The following PNKD variants were observed in gnomAD, a reference collection of about 807,000 sequenced individuals.
PNKD encodes the protein PNKD metallo-beta-lactamase domain containing.
A neutral mutation model predicts 45.3 loss-of-function variants in PNKD; 36 were observed. The observed-to-expected ratio is 0.80, with a 90% confidence interval of 0.61 to 1.05. The LOEUF (loss-of-function observed/expected upper bound fraction) is 1.05, where lower values mean the gene tolerates loss of function less well. PNKD is among the 50% of genes least tolerant of loss of function. The pLI is 0.00. For synonymous variants in PNKD, 197 were observed against 210.1 expected, an observed-to-expected ratio of 0.94 and a Z score of 0.54; for missense variants, 511 against 506.6, an observed-to-expected ratio of 1.01 and a Z score of -0.08.
In PNKD at chr2:218,340,085, G is replaced by A. The variant is rs139792709; in HGVS notation, c.409G>A (p.Asp137Asn). 78 of 1,613,756 alleles carry A rather than the reference G, an allele frequency of 4.8e-5. No homozygotes were observed. The highest frequency in any genetic ancestry group is 5.9e-5 in the Non-Finnish European group (70 of 1,179,902). ...GGACAACTACAGCTACCTCATCATC[G>A]ACACCCAGGCCCAGCTGGCTGTGGC... ...LSDNYSYLII[D>N]TQAQLAVAVD... Residue 137 changes from aspartate to asparagine, a missense_variant, in exon 4 of 10, where the codon GAC becomes AAC. Asp to Asn is a conservative substitution (Grantham distance 23). Coordinates refer to ENST00000273077, the MANE Select transcript of PNKD (RefSeq NM_015488.5). This position sits in a 1 kb window ranked among gnomAD's most constrained non-coding sequence, Gnocchi z 4.2.
intron 2 of PNKD, among the ~76,000 whole-genome samples, chr2:218,307,915 G>A (rs528072736): frequency 1.3e-5 from 2 of 152,246 alleles, no homozygotes; most frequent in East Asian, 3.9e-4. Context: ...AATGACAAAT[G>A]GGTTTGACCT....
At chr2:218,325,198 C>CTTTTTTTTTTTTTTTTTTTTTT (rs746439948) in intron 2 of PNKD, among the ~76,000 whole-genome samples, 1 of 39,758 alleles carries the variant, frequency 2.5e-5, no homozygotes, top group Non-Finnish European at 4.0e-5. Context: ...CGCACCCGGC[C>CTTTTTTTTTTTTTTTTTTTTTT]TTTTTTTTTT....
At chr2:218,322,319 T>G (rs938387291) in intron 2 of PNKD, among the ~76,000 whole-genome samples, 3 of 152,170 alleles carry the variant, frequency 2.0e-5, no homozygotes, top group African/African-American at 7.2e-5. Context: ...GTGCCTAAAT[T>G]TGTAGATTTC....
rs146224183 is a variant in PNKD at position 218,344,516 on chromosome 2, C to G, written c.930C>G (p.Ala310=). ...GTGTGGTGGAGCCCGAGAACCTGGC[C>G]CGGGAGAGGAAGATGCAGTGGGTGC... ...FAGVVEPENL[A]RERKMQWVQR... Residue 310 remains alanine, a synonymous_variant, in exon 9 of 10, where the codon GCC becomes GCG. Transcript: ENST00000273077. The G allele has an allele frequency of 4.6e-5, 74 of 1,593,070 alleles. No homozygotes were observed. In the African/African-American group the frequency reaches 8.9e-4, roughly 19 times the overall value.
At chr2:218,299,124 T>A (rs553585361) in intron 2 of PNKD, among the ~76,000 whole-genome samples, 198 of 152,092 alleles carry the variant, frequency 1.3e-3, no homozygotes, top group African/African-American at 4.4e-3. Context: ...TTATTTATTT[T>A]ATTTTATTTT....
chr2:218,325,245 C>A (rs2106277752), intron 2 of PNKD, among the ~76,000 whole-genome samples: 1 of 111,760 alleles, frequency 8.9e-6, no homozygotes. Flanking sequence ...TGCTCTGTTC[C>A]CTAGGCTGGA....
rs748414639 is a variant in PNKD at position 218,277,369 on chromosome 2, G to T, written c.236+5820G>T. 7.4e-6 allele frequency: 12 copies of T among 1,613,982 alleles called. No individual in the cohort carries two copies. The East Asian group carries it at 2.7e-4, about 36-fold the overall frequency. On this transcript the variant is annotated intron_variant, in intron 2 of 9. Coordinates refer to ENST00000273077, the MANE Select transcript of PNKD (RefSeq NM_015488.5). ...GAAGGGCCCTCCATGCCCTCACCTT[G>T]GTCTGAAAGCAGAAGATGGTGACTG...
At chr2:218,277,195 G>A in intron 2 of PNKD, 7 of 1,220,180 alleles carry the variant, frequency 5.7e-6, no homozygotes, top group African/African-American at 3.0e-5. Context: ...TGCCTCCTAG[G>A]GGGTATGGGA....
rs10932771 is a variant in PNKD, at chr2:218,305,513, A to C, written c.236+33964A>C. Among the ~76,000 whole-genome samples the C allele has an allele frequency of 2.1e-4, 32 of 149,940 alleles. No individual in the cohort carries two copies. In the South Asian group the frequency reaches 6.5e-3, roughly 30 times the overall value. On this transcript the variant is annotated intron_variant, in intron 2 of 9. Coordinates refer to ENST00000273077, the MANE Select transcript of PNKD (RefSeq NM_015488.5). ...CCACAGGTGCATGCCATGTCTGGCT[A>C]TTTTTTTTTTTAATTTTTTGTAGAG...
intron 2 of PNKD, among the ~76,000 whole-genome samples, chr2:218,298,565 A>G (rs1693200020): frequency 6.6e-6 from 1 of 152,146 alleles, no homozygotes; most frequent in Non-Finnish European, 1.5e-5. Context: ...GCAGAGTTAA[A>G]ATGTTCATTG....
intron 2 of PNKD, among the ~76,000 whole-genome samples, chr2:218,295,922 G>A (rs1158529557): frequency 2.7e-5 from 4 of 150,310 alleles, no homozygotes; most frequent in African/African-American, 7.4e-5. Flanking sequence ...CTTGGCTCGC[G>A]GCAACCTCCA....
chr2:218,280,503 G>C (rs991030057), intron 2 of PNKD: 1 of 274,688 alleles, frequency 3.6e-6, no homozygotes, highest in East Asian at 1.0e-4. Context: ...GAGAAAAGGA[G>C]GGCGGCAGAG....
At chr2:218,300,201 A>C (rs57253618) in intron 2 of PNKD, among the ~76,000 whole-genome samples, 30 of 152,292 alleles carry the variant, frequency 2.0e-4, no homozygotes, top group African/African-American at 7.0e-4. Context: ...CACATAGCCA[A>C]AAGTGAGGGT....
chr2:218,312,306 G>A (rs1574687417), intron 2 of PNKD, among the ~76,000 whole-genome samples: 1 of 152,134 alleles, frequency 6.6e-6, no homozygotes, highest in East Asian at 1.9e-4. Context: ...ACAGTGCCTT[G>A]CCTGTGATTT....
intron 2 of PNKD, among the ~76,000 whole-genome samples, chr2:218,322,317 A>T (rs933338681): frequency 3.9e-5 from 6 of 152,134 alleles, no homozygotes; most frequent in African/African-American, 1.2e-4. Context: ...CTGTGCCTAA[A>T]TTTGTAGATT....
At chr2:218,343,607 TC>T in intron 8 of PNKD, 21 bp downstream of exon 8, 2 of 1,566,602 alleles carry the variant, frequency 1.3e-6, no homozygotes, top group Non-Finnish European at 1.7e-6. Flanking sequence ...CCCTTACTAC[TC>T]CCCATCCTCC....
chr2:218,299,620 ATT>A (rs757410351), intron 2 of PNKD, among the ~76,000 whole-genome samples: 51 of 135,586 alleles, frequency 3.8e-4, no homozygotes, highest in African/African-American at 1.1e-3. Context: ...AATTTTTGTA[ATT>A]TTTTTTTTTT....
chr2:218,273,671 AGT>A (rs1690956333), intron 2 of PNKD, among the ~76,000 whole-genome samples: 2 of 142,964 alleles, frequency 1.4e-5, no homozygotes, highest in Non-Finnish European at 3.0e-5. Flanking sequence ...TTGTACTTTT[AGT>A]AGAGATGGGG....
intron 2 of PNKD, among the ~76,000 whole-genome samples, chr2:218,311,386 G>A (rs1163214518): frequency 6.6e-6 from 1 of 152,196 alleles, no homozygotes; most frequent in African/African-American, 2.4e-5. Context: ...GCATACAGAG[G>A]ACCCGCACCG....
Sources: allele counts gnomAD v4.1 joint callset (sites outside exome capture counted in the v4.1 genomes callset), GRCh38; gene constraint gnomAD v4.1.1; non-coding constraint Gnocchi (gnomAD v3.1); transcripts MANE v1.5; gene names NCBI Gene and HGNC (gene_info 2026-07-23, HGNC 2026-07-21).